The following SGCD variants were observed in gnomAD, a reference collection of about 807,000 sequenced individuals.
SGCD encodes sarcoglycan delta.
Under a neutral mutation model 36.6 loss-of-function variants are expected in SGCD, and 18 were observed. That is an observed-to-expected ratio of 0.49 (90% CI 0.34 to 0.73). SGCD has a LOEUF of 0.73. Among genes scored for constraint, SGCD ranks in the 30% least tolerant of loss-of-function variants. The probability of loss-of-function intolerance (pLI) is 0.01; values close to 1 mark genes in which losing one functional copy is unlikely to be tolerated. For synonymous variants in SGCD, 133 were observed against 130.6 expected (o/e 1.02, Z -0.12); for missense variants, 387 against 346.7 (o/e 1.12, Z -0.92).
At chr5:156,209,870 A>G (rs1020043702) in intron 3 of SGCD, among the ~76,000 whole-genome samples, 2 of 152,054 alleles carry the variant, frequency 1.3e-5, no homozygotes, top group African/African-American at 4.8e-5. Context: ...CTTACACCCA[A>G]GACCCAGACC....
At chr5:156,087,297 C>A (rs1444390189) in intron 1 of SGCD, among the ~76,000 whole-genome samples, 1 of 152,034 alleles carries the variant, frequency 6.6e-6, no homozygotes, top group Non-Finnish European at 1.5e-5. Context: ...TATTATATAA[C>A]ACTTGGTTTT....
At chr5:155,880,137 A>G (rs749949092) in intron 1 of SGCD, among the ~76,000 whole-genome samples, 1 of 152,104 alleles carries the variant, frequency 6.6e-6, no homozygotes, top group Non-Finnish European at 1.5e-5. Flanking sequence ...AGCTGAGTAC[A>G]TGTGTGACTT....
At chr5:156,573,822 T>C (rs1321749692) in intron 4 of SGCD, among the ~76,000 whole-genome samples, 1 of 152,094 alleles carries the variant, frequency 6.6e-6, no homozygotes, top group Non-Finnish European at 1.5e-5. Context: ...GCCTCCCCAG[T>C]AGTTAGGACT....
At chr5:156,030,692 G>A (rs1345079505) in intron 1 of SGCD, among the ~76,000 whole-genome samples, 1 of 152,196 alleles carries the variant, frequency 6.6e-6, no homozygotes, top group Non-Finnish European at 1.5e-5. Flanking sequence ...TGAGAAGGAA[G>A]TAGTCATTTC....
chr5:155,821,326 T>C, the SGCD span, among the ~76,000 whole-genome samples: 2 of 152,242 alleles, frequency 1.3e-5, no homozygotes, highest in South Asian at 4.1e-4. Flanking sequence ...TTTTTTTCCT[T>C]CTTGAGACGG....
chr5:156,058,527 A>G (rs902026379), intron 1 of SGCD, among the ~76,000 whole-genome samples: 1 of 145,998 alleles, frequency 6.8e-6, no homozygotes, highest in Non-Finnish European at 1.5e-5. Context: ...CTGCTGGCCC[A>G]TCAGCTACAC....
chr5:156,765,914 G>C lies in SGCD; in HGVS notation c.*6524G>C, dbSNP rs748028017. Reference sequence around the variant, plus strand: ...CCTGCTTTCTGTAGTCTCTCACAGTGACAGCATCTATACTAAAGTATAGAT... The same window carrying C: ...CCTGCTTTCTGTAGTCTCTCACAGTCACAGCATCTATACTAAAGTATAGAT... On this transcript the variant is annotated 3_prime_UTR_variant, in exon 9 of 9. Coordinates refer to ENST00000337851, the MANE Select transcript of SGCD (RefSeq NM_000337.6). 2.0e-5 allele frequency: 3 copies of C among 151,876 alleles called. No homozygotes were observed. The highest frequency in any genetic ancestry group is 4.4e-5 in the Non-Finnish European group (3 of 68,016). 9.4% of individuals were successfully genotyped at this position (151,876 alleles called of 1,614,324 possible).
At chr5:155,934,819 G>A (rs1348394995) in intron 1 of SGCD, among the ~76,000 whole-genome samples, 4 of 152,182 alleles carry the variant, frequency 2.6e-5, no homozygotes, top group Non-Finnish European at 5.9e-5. Flanking sequence ...CCTACAGTCT[G>A]CCCATTGGTT....
chr5:156,119,915 G>A (rs531972052), intron 2 of SGCD, among the ~76,000 whole-genome samples: 5 of 152,266 alleles, frequency 3.3e-5, no homozygotes, highest in South Asian at 2.1e-4. Context: ...TCCCTGAAGC[G>A]TTCAAGGCCG....
intron 3 of SGCD, among the ~76,000 whole-genome samples, chr5:156,189,387 G>T (rs1273731333): frequency 6.6e-6 from 1 of 152,188 alleles, no homozygotes; most frequent in Non-Finnish European, 1.5e-5. Flanking sequence ...TAAATTCTAT[G>T]ATCTCCTTAG....
chr5:156,096,777 G>GA (rs1324603478), intron 1 of SGCD, among the ~76,000 whole-genome samples: 1 of 152,080 alleles, frequency 6.6e-6, no homozygotes, highest in African/African-American at 2.4e-5. Flanking sequence ...TAGGAAAAGA[G>GA]AAAAAAATTA....
chr5:156,689,516 C>T (rs1488650285), intron 7 of SGCD, among the ~76,000 whole-genome samples: 4 of 152,090 alleles, frequency 2.6e-5, no homozygotes, highest in Non-Finnish European at 5.9e-5. Flanking sequence ...GAAAGTGGTA[C>T]TTGAGTTTAT....
the SGCD span, among the ~76,000 whole-genome samples, chr5:155,740,272 G>A: frequency 6.6e-6 from 1 of 151,970 alleles, no homozygotes; most frequent in Admixed American, 6.6e-5. Flanking sequence ...CCTATTTTTA[G>A]GAACAAAAGT....
At chr5:156,073,709 C>A (rs186483557) in intron 1 of SGCD, among the ~76,000 whole-genome samples, 2 of 152,164 alleles carry the variant, frequency 1.3e-5, no homozygotes, top group South Asian at 4.1e-4. Flanking sequence ...ATGTTCTCTA[C>A]CCATGAAGAT....
intron 7 of SGCD, among the ~76,000 whole-genome samples, chr5:156,705,479 T>C (rs937287167): frequency 1.3e-5 from 2 of 152,198 alleles, no homozygotes; most frequent in African/African-American, 4.8e-5. Flanking sequence ...TATCAGCAAT[T>C]GTCTTCATAT....
chr5:156,293,905 C>A (rs988552881), intron 3 of SGCD, among the ~76,000 whole-genome samples: 2 of 152,216 alleles, frequency 1.3e-5, no homozygotes, highest in South Asian at 2.1e-4. Flanking sequence ...TGCATTAAAT[C>A]TGTAGATCAT....
At chr5:156,406,821 C>CATATATAT in intron 3 of SGCD, among the ~76,000 whole-genome samples, 1 of 79,540 alleles carries the variant, frequency 1.3e-5, no homozygotes, top group African/African-American at 5.3e-5. Flanking sequence ...TATATATATA[C>CATATATAT]ACACACACAC....
At chr5:156,070,827 C>A (rs1448937129) in intron 1 of SGCD, among the ~76,000 whole-genome samples, 1 of 152,148 alleles carries the variant, frequency 6.6e-6, no homozygotes, top group African/African-American at 2.4e-5. Context: ...TTGGTCTATT[C>A]AGAGATTCAA....
chr5:156,656,312 A>G (rs983280684), intron 7 of SGCD, among the ~76,000 whole-genome samples: 6 of 152,254 alleles, frequency 3.9e-5, no homozygotes, highest in South Asian at 2.1e-4. Context: ...TCACCGCCCA[A>G]TACAATACCG....
Sources: gnomAD v4.1 joint callset for allele counts (sites outside exome capture counted in the v4.1 genomes callset) on GRCh38, gnomAD v4.1.1 for gene constraint, MANE v1.5 for transcripts, NCBI Gene and HGNC (gene_info 2026-07-23, HGNC 2026-07-21) for gene names.